Variants in UBXN11 observed in about 807,000 individuals in gnomAD.
UBXN11 encodes UBX domain-containing protein 11.
In UBXN11, 47 loss-of-function variants were observed where a neutral mutation model predicts 62.8. The ratio of observed to expected loss-of-function variants is 0.75; its 90% confidence interval spans 0.59 to 0.95. UBXN11 has a LOEUF of 0.95. Ranked by LOEUF, UBXN11 falls within the 40% of genes least tolerant of loss-of-function variation. The pLI, the probability that UBXN11 is intolerant of heterozygous loss-of-function variation, is 0.00. For synonymous variants in UBXN11, 294 were observed against 267.0 expected, an observed-to-expected ratio of 1.10 and a Z score of -0.99; for missense variants, 638 against 661.7, an observed-to-expected ratio of 0.96 and a Z score of 0.39.
chr1:26,317,809 A>C, intron 1 of UBXN11: 1 of 557,702 alleles, frequency 1.8e-6, no homozygotes, highest in Non-Finnish European at 3.2e-6. Context: ...CCAGGGCCTT[A>C]GAACCTAGAG....
intron 1 of UBXN11, among the ~76,000 whole-genome samples, chr1:26,305,344 T>G (rs2073639075): frequency 6.6e-6 from 1 of 152,226 alleles, no homozygotes; most frequent in Non-Finnish European, 1.5e-5. Context: ...TAAAACAGCT[T>G]TGAGATATAA....
chr1:26,313,782 CTTTTTTT>C (rs56037016), intron 1 of UBXN11, among the ~76,000 whole-genome samples: 4 of 125,904 alleles, frequency 3.2e-5, no homozygotes, highest in African/African-American at 5.7e-5. Flanking sequence ...AATTTTTTTT[CTTTTTTT>C]TTTTTTTTTG....
chr1:26,287,752 G>A (rs1218536702), intron 8 of UBXN11, among the ~76,000 whole-genome samples: 1 of 152,032 alleles, frequency 6.6e-6, no homozygotes, highest in African/African-American at 2.4e-5. Context: ...AGCCCCTCCG[G>A]GGGCTCCCCA....
In UBXN11 at chr1:26,284,774, C is replaced by CA. The variant is rs2073087933; in HGVS notation, c.853-293dup. The CA allele has an allele frequency of 5.1e-6, 6 of 1,185,154 alleles. No individual in the cohort carries two copies. The East Asian group carries it at 2.1e-4, about 41-fold the overall frequency. 73.4% of individuals were successfully genotyped at this position (1,185,154 alleles called of 1,614,324 possible). ...CCGTGAAGGCAGAGTGTGAGGGGGT[C>CA]AGGAGAGGACAAAGCCCCTGCTTTT... On this transcript the variant is annotated intron_variant, in intron 10 of 14. Transcript: ENST00000374222.
chr1:26,314,986 CG>C (rs1183270727), intron 1 of UBXN11, among the ~76,000 whole-genome samples: 3 of 151,994 alleles, frequency 2.0e-5, no homozygotes, highest in Admixed American at 2.0e-4. Flanking sequence ...GAGGATGAGG[CG>C]GGAGGATTGC....
At chr1:26,309,280 C>T (rs1159008494), upstream of UBXN11, among the ~76,000 whole-genome samples, 1 of 135,664 alleles carries the variant, frequency 7.4e-6, no homozygotes, top group Non-Finnish European at 1.6e-5. Context: ...CTCACTCTGT[C>T]GCCAGGCTGG....
At chr1:26,302,067 G>A (rs1257891498) in intron 2 of UBXN11, among the ~76,000 whole-genome samples, 3 of 152,284 alleles carry the variant, frequency 2.0e-5, no homozygotes, top group Admixed American at 6.5e-5. Flanking sequence ...AATCTTCTAG[G>A]CCTTAGAATG....
At chr1:26,318,330 G>A (rs942757978) in exon 1 of UBXN11, 33 of 465,102 alleles carry the variant, frequency 7.1e-5, no homozygotes, top group East Asian at 1.7e-4. Context: ...GGTGCTAGGC[G>A]CGTTGGGGCA....
chr1:26,299,717 G>A (rs964584681), intron 4 of UBXN11, among the ~76,000 whole-genome samples: 1 of 152,142 alleles, frequency 6.6e-6, no homozygotes, highest in Non-Finnish European at 1.5e-5. Flanking sequence ...GTCCTCATCT[G>A]TTACCTTGGT....
rs72872919 is a variant in UBXN11 at position 26,287,110 on chromosome 1, G to A, written c.560-1073C>T. Among the ~76,000 whole-genome samples, 1,291 of 152,202 alleles carry A rather than the reference G, an allele frequency of 8.5e-3. 14 individuals are homozygous for A. The highest frequency in any genetic ancestry group is 0.03 in the African/African-American group (1,229 of 41,494). On this transcript the variant is annotated intron_variant, in intron 8 of 14. Coordinates refer to ENST00000374222, the MANE Select transcript of UBXN11 (RefSeq NM_001389556.1). ...GAGGAGGAACTGGGAAGGGAGCCGG[G>A]GCTGACTCTCAAGTCTGTTTCCCCC...
chr1:26,302,786 G>A (rs1343025567), intron 2 of UBXN11, 27 bp downstream of exon 2: 4 of 1,602,418 alleles, frequency 2.5e-6, no homozygotes, highest in Admixed American at 3.4e-5. Context: ...GGCGGGGACA[G>A]AAAGACCCCT....
rs189432506 is a variant in UBXN11 at position 26,312,477 on chromosome 1, C to T, written c.-149+5570G>A. 2.5e-3 allele frequency among the ~76,000 whole-genome samples: 375 copies of T among 151,420 alleles called. 2 individuals carry two copies. The highest frequency in any genetic ancestry group is 8.4e-3 in the African/African-American group (349 of 41,320). On this transcript the variant is annotated intron_variant, in intron 1 of 14. Transcript: ENST00000374217. ...ATGTTGGCCAGGCTGGTTTCAAACT[C>T]CCGACCTCAGGTGATCTGCCCGCCT...
At chr1:26,296,518 G>A (rs1024242583) in intron 7 of UBXN11, among the ~76,000 whole-genome samples, 1 of 152,220 alleles carries the variant, frequency 6.6e-6, no homozygotes, top group African/African-American at 2.4e-5. Flanking sequence ...AAGGCCCTGA[G>A]GTGGGAAGCA....
At chr1:26,312,979 C>CAAAAA (rs55777309) in intron 1 of UBXN11, among the ~76,000 whole-genome samples, 4,757 of 47,900 alleles carry the variant, frequency 0.099, 906 homozygotes, top group African/African-American at 0.16. Context: ...AACTCTGTCT[C>CAAAAA]AAAAAAAAAA....
chr1:26,285,206 G>A (rs1430938500), intron 10 of UBXN11: 6 of 1,277,340 alleles, frequency 4.7e-6, no homozygotes, highest in Non-Finnish European at 6.0e-6. Flanking sequence ...CTGAAAGCTG[G>A]GGAGGACTAG....
At chr1:26,290,569 GGGGTCAAGCC>G (rs1204130809) in intron 8 of UBXN11, among the ~76,000 whole-genome samples, 2 of 152,192 alleles carry the variant, frequency 1.3e-5, no homozygotes, top group East Asian at 3.8e-4. Context: ...CAGGTGGGGA[GGGGTCAAGCC>G]AGGTGGCTCT....
chr1:26,317,066 T>TAA (rs5773158), intron 1 of UBXN11, among the ~76,000 whole-genome samples: 1 of 135,760 alleles, frequency 7.4e-6, no homozygotes, highest in Non-Finnish European at 1.6e-5. Flanking sequence ...CAGTCTCCGC[T>TAA]AAAAAAAAAA....
intron 1 of UBXN11, chr1:26,318,011 T>A (rs2073816109): frequency 6.2e-7 from 1 of 1,613,884 alleles, no homozygotes; most frequent in Non-Finnish European, 8.5e-7. Context: ...ACGAAGATCC[T>A]ACCAAAATGA....
chr1:26,282,692 C>T lies in UBXN11; in HGVS notation c.1249G>A (p.Asp417Asn). ...EQAFLLMMQP[D>N]NTIGDVRALL... ...GCTCGCACGTCCCCAATGGTGTTGT[C>T]AGGCTGCATCATCAGTAGGAAGGCC... The change falls in exon 14 of 15, where the codon GAC becomes AAC. Residue 417 changes from aspartate (D) to asparagine (N), a missense_variant. Asp to Asn is a conservative substitution (Grantham distance 23, BLOSUM62 1). Coordinates refer to ENST00000374222, the MANE Select transcript of UBXN11 (RefSeq NM_001389556.1). 1 of 1,614,184 alleles carries T rather than the reference C, an allele frequency of 6.2e-7. No individual in the cohort carries two copies. Among genetic ancestry groups the T allele is most frequent in the Non-Finnish European group, 8.5e-7 (1 of 1,180,040 alleles).
Sources: gnomAD v4.1 joint callset for allele counts (sites outside exome capture counted in the v4.1 genomes callset) on GRCh38, gnomAD v4.1.1 for gene constraint, MANE v1.5 for transcripts, NCBI Gene and HGNC (gene_info 2026-07-23, HGNC 2026-07-21) for gene names.